RGS6: variants seen among roughly 807,000 people sequenced by gnomAD.
RGS6 encodes regulator of G protein signaling 6.
RGS6 carries 30 observed loss-of-function variants against 78.5 expected under a neutral mutation model. That is an observed-to-expected ratio of 0.38 (90% CI 0.29 to 0.52). The LOEUF is 0.52. RGS6 is among the 20% of genes least tolerant of loss of function. The pLI is 0.85. For synonymous variants in RGS6, 206 were observed against 206.0 expected, an observed-to-expected ratio of 1.00 and a Z score of 0.00; for missense variants, 495 against 609.7, an observed-to-expected ratio of 0.81 and a Z score of 1.98.
In RGS6 at chr14:72,331,558, T is replaced by C. The variant is rs568260408; in HGVS notation, c.85-20537T>C. On this transcript the variant is annotated intron_variant, in intron 2 of 17. Transcript: ENST00000553525. ...GGCCGGGAGCTGCCTCACCTGGGGC[T>C]CCAGGGTCCCTTTGAGACCGCAGTT... Among the ~76,000 whole-genome samples the C allele has an allele frequency of 3.1e-3, 468 of 152,238 alleles. 2 individuals are homozygous for C. The highest frequency in any genetic ancestry group is 0.011 in the African/African-American group (442 of 41,540).
intron 3 of RGS6, among the ~76,000 whole-genome samples, chr14:72,353,634 A>G (rs2079576156): frequency 6.6e-6 from 1 of 152,116 alleles, no homozygotes; most frequent in South Asian, 2.1e-4. Flanking sequence ...GAACAGATGA[A>G]CAGTTCTGTA....
chr14:72,301,958 G>A (rs1016103809), intron 2 of RGS6, among the ~76,000 whole-genome samples: 22 of 152,182 alleles, frequency 1.4e-4, no homozygotes, highest in African/African-American at 5.1e-4. Context: ...GAATTTTGGG[G>A]GACATGATAA....
intron 13 of RGS6, among the ~76,000 whole-genome samples, chr14:72,506,107 T>C (rs2096795190): frequency 6.6e-6 from 1 of 152,192 alleles, no homozygotes; most frequent in Non-Finnish European, 1.5e-5. Context: ...ATAAGGACAC[T>C]TCATCCACAT....
intron 2 of RGS6, among the ~76,000 whole-genome samples, chr14:71,983,284 G>T (rs772314642): frequency 2.6e-5 from 4 of 152,210 alleles, no homozygotes; most frequent in Non-Finnish European, 5.9e-5. Context: ...CTCTACGTAT[G>T]AAATGGACCT....
intron 2 of RGS6, among the ~76,000 whole-genome samples, chr14:72,191,278 A>C (rs997587514): frequency 1.3e-5 from 2 of 152,066 alleles, no homozygotes; most frequent in Non-Finnish European, 2.9e-5. Flanking sequence ...ACTTTCGTCC[A>C]CACCTGCGTT....
chr14:72,608,544 C>T, the RGS6 span, among the ~76,000 whole-genome samples: 1 of 152,144 alleles, frequency 6.6e-6, no homozygotes, highest in Non-Finnish European at 1.5e-5. Context: ...AACCATATTC[C>T]CCCACCTCTC....
At chr14:72,398,204 TATTA>T (rs1340720739) in intron 3 of RGS6, among the ~76,000 whole-genome samples, 8 of 152,334 alleles carry the variant, frequency 5.3e-5, no homozygotes, top group African/African-American at 1.9e-4. Flanking sequence ...GTTGGTAAGC[TATTA>T]ATTATTGCCT....
At chr14:71,875,587 A>G in the RGS6 span, among the ~76,000 whole-genome samples, 5 of 152,160 alleles carry the variant, frequency 3.3e-5, no homozygotes, top group South Asian at 8.3e-4. Context: ...GATCATTTCA[A>G]AAAACCAGCT....
At chr14:72,461,561 G>A (rs1471007177) in intron 6 of RGS6, among the ~76,000 whole-genome samples, 1 of 152,118 alleles carries the variant, frequency 6.6e-6, no homozygotes, top group Non-Finnish European at 1.5e-5. Context: ...GCATGGTGGT[G>A]CATACCTGTA....
intron 3 of RGS6, among the ~76,000 whole-genome samples, chr14:72,364,312 G>GA (rs1282923704): frequency 2.0e-5 from 3 of 152,152 alleles, no homozygotes; most frequent in Non-Finnish European, 4.4e-5. Context: ...ATTACATAGA[G>GA]AAAAAACCCA....
intron 3 of RGS6, among the ~76,000 whole-genome samples, chr14:72,389,847 T>A (rs1258611419): frequency 3.3e-5 from 5 of 152,208 alleles, no homozygotes; most frequent in Admixed American, 3.3e-4. Flanking sequence ...GTCTATCCCA[T>A]GTGTATAAAA....
intron 2 of RGS6, among the ~76,000 whole-genome samples, chr14:72,102,819 G>A (rs1472727204): frequency 2.0e-5 from 3 of 152,068 alleles, no homozygotes; most frequent in African/African-American, 4.8e-5. Context: ...GCAATCTAAC[G>A]TCAGACCCCT....
At chr14:72,599,666 C>T in the RGS6 span, among the ~76,000 whole-genome samples, 4 of 150,224 alleles carry the variant, frequency 2.7e-5, no homozygotes, top group Admixed American at 1.3e-4. Flanking sequence ...CCTCATGATC[C>T]GCCCATCTCA....
At chr14:72,081,729 T>C (rs889688411) in intron 2 of RGS6, among the ~76,000 whole-genome samples, 2 of 152,112 alleles carry the variant, frequency 1.3e-5, no homozygotes, top group Admixed American at 6.5e-5. Flanking sequence ...GTCTGAGCCT[T>C]TTTATGCTAA....
chr14:72,400,126 G>A (rs534704592), intron 3 of RGS6, among the ~76,000 whole-genome samples: 61 of 152,268 alleles, frequency 4.0e-4, no homozygotes, highest in African/African-American at 1.4e-3. Flanking sequence ...AAATGTTAAG[G>A]CAGCCAGAGA....
the RGS6 span, among the ~76,000 whole-genome samples, chr14:72,583,538 C>T: frequency 2.6e-5 from 4 of 151,726 alleles, no homozygotes; most frequent in African/African-American, 7.3e-5. Context: ...CAGCGTAGAT[C>T]AATGGGAGTG....
At chr14:72,413,709 G>A (rs977514153) in intron 3 of RGS6, among the ~76,000 whole-genome samples, 1 of 152,192 alleles carries the variant, frequency 6.6e-6, no homozygotes, top group Non-Finnish European at 1.5e-5. Flanking sequence ...TGGTACTGCG[G>A]TTGTTCCTTT....
intron 3 of RGS6, among the ~76,000 whole-genome samples, chr14:72,357,423 A>G (rs905590637): frequency 1.3e-5 from 2 of 152,188 alleles, no homozygotes; most frequent in Non-Finnish European, 2.9e-5. Context: ...GATGTGGGAA[A>G]GTTTAGAACT....
rs531510060 is a variant in RGS6 at position 72,488,463 on chromosome 14, T to C, written c.855-6689T>C. 9.8e-5 allele frequency among the ~76,000 whole-genome samples: 15 copies of C among 152,348 alleles called. No homozygotes were observed. In the South Asian group the frequency reaches 3.1e-3, roughly 32 times the overall value. Reference sequence around the variant, plus strand: ...ACATTCTCCTAAACCAACATCACCATGAGCTCTCACCACCTCTCTTCCACC... The same window carrying C: ...ACATTCTCCTAAACCAACATCACCACGAGCTCTCACCACCTCTCTTCCACC... On this transcript the variant is annotated intron_variant, in intron 12 of 17. Transcript: ENST00000553525.
Sources: allele counts gnomAD v4.1 joint callset (sites outside exome capture counted in the v4.1 genomes callset), GRCh38; gene constraint gnomAD v4.1.1; transcripts MANE v1.5; gene names NCBI Gene and HGNC (gene_info 2026-07-23, HGNC 2026-07-21).